ACER2: variants seen among roughly 807,000 people sequenced by gnomAD.
The protein encoded by ACER2 is alkaline ceramidase 2.
In ACER2, 26 loss-of-function variants were observed where a neutral mutation model predicts 34.7. The ratio of observed to expected loss-of-function variants is 0.75; its 90% confidence interval spans 0.55 to 1.04. ACER2 has a LOEUF of 1.04. Ranked by LOEUF, ACER2 falls within the 50% of genes least tolerant of loss-of-function variation. The pLI, the probability that ACER2 is intolerant of heterozygous loss-of-function variation, is 0.00. For synonymous variants in ACER2, 138 were observed against 132.1 expected (o/e 1.04, Z -0.31); for missense variants, 352 against 340.8 (o/e 1.03, Z -0.26).
intron 1 of ACER2, among the ~76,000 whole-genome samples, chr9:19,410,590 G>T (rs572287841): frequency 4.6e-5 from 7 of 152,220 alleles, no homozygotes; most frequent in Middle Eastern, 3.4e-3. Flanking sequence ...CACACTTGTC[G>T]TCCCAGCTAC....
chr9:19,427,152 A>C (rs1274362502), intron 3 of ACER2, among the ~76,000 whole-genome samples: 25 of 152,184 alleles, frequency 1.6e-4, no homozygotes, highest in Admixed American at 1.6e-3. Flanking sequence ...TAGGTAAACA[A>C]TAGTGTTCAT....
In ACER2 at chr9:19,446,418, G is replaced by A; in HGVS notation, c.641G>A (p.Trp214Ter). ...SFNFPYLHCM[W>*]HILICLAAYL... Reference sequence around the variant, plus strand: ...AACTTCCCCTACCTGCACTGCATGTGGTAAGCCCCTGCTAATGGGGAGGTG... The same window carrying A: ...AACTTCCCCTACCTGCACTGCATGTAGTAAGCCCCTGCTAATGGGGAGGTG... The change falls in exon 5 of 6, where the codon TGG (tryptophan) becomes TAG (stop). Residue 214 changes from tryptophan to a stop codon, truncating the protein, a stop_gained and splice_region_variant. Transcript: ENST00000340967. LOFTEE classifies it high-confidence loss of function. 1 of 1,614,140 alleles carries A rather than the reference G, an allele frequency of 6.2e-7. No individual in the cohort carries two copies. The highest frequency in any genetic ancestry group is 8.5e-7 in the Non-Finnish European group (1 of 1,180,032).
At chr9:19,423,032 CAAAAAA>C (rs764823366) in intron 1 of ACER2, among the ~76,000 whole-genome samples, 1,941 of 68,946 alleles carry the variant, frequency 0.028, 47 homozygotes, top group African/African-American at 0.088. Context: ...AACTCTGTCT[CAAAAAA>C]AAAAAAAAAA....
intron 1 of ACER2, among the ~76,000 whole-genome samples, chr9:19,416,211 C>T (rs759445778): frequency 6.6e-6 from 1 of 152,184 alleles, no homozygotes; most frequent in African/African-American, 2.4e-5. Context: ...CATTCATCTC[C>T]TTTTCTTCCT....
chr9:19,410,219 A>G (rs1830047620), intron 1 of ACER2, among the ~76,000 whole-genome samples: 1 of 152,216 alleles, frequency 6.6e-6, no homozygotes, highest in Non-Finnish European at 1.5e-5. Flanking sequence ...GGAATCTCAG[A>G]TGATCTAGTC....
At chr9:19,431,562 C>T (rs990727986) in intron 3 of ACER2, among the ~76,000 whole-genome samples, 2 of 152,204 alleles carry the variant, frequency 1.3e-5, no homozygotes, top group African/African-American at 4.8e-5. Flanking sequence ...TATTGTGGGT[C>T]CCCAAGGGCC....
intron 3 of ACER2, among the ~76,000 whole-genome samples, chr9:19,426,272 TTCTC>T (rs367754952): frequency 1.3e-5 from 2 of 149,986 alleles, no homozygotes; most frequent in African/African-American, 5.0e-5. Flanking sequence ...CTTTCTTTCT[TTCTC>T]TTTCTTTCTT....
At chr9:19,412,391 G>A (rs1313624035) in intron 1 of ACER2, among the ~76,000 whole-genome samples, 1 of 152,162 alleles carries the variant, frequency 6.6e-6, no homozygotes, top group Non-Finnish European at 1.5e-5. Flanking sequence ...AGTGGCTCAT[G>A]CCTGTAATCT....
At chr9:19,434,872 C>A in intron 3 of ACER2, 75 bp from the exon 4 acceptor site, 1 of 1,576,036 alleles carries the variant, frequency 6.3e-7, no homozygotes, top group Non-Finnish European at 8.7e-7. Context: ...AATGCCTGTA[C>A]CTTGCTAACA....
At chr9:19,439,528 A>G (rs1268644396) in intron 4 of ACER2, among the ~76,000 whole-genome samples, 1 of 152,080 alleles carries the variant, frequency 6.6e-6, no homozygotes, top group Non-Finnish European at 1.5e-5. Context: ...TAGTTTTAGT[A>G]GAGACCCAGC....
intron 1 of ACER2, among the ~76,000 whole-genome samples, chr9:19,412,206 G>T (rs1403926813): frequency 6.6e-6 from 1 of 152,144 alleles, no homozygotes; most frequent in Non-Finnish European, 1.5e-5. Flanking sequence ...TTTATTTAAA[G>T]TAGTTTGTAA....
At chr9:19,450,017 G>A (rs1373767328) in intron 5 of ACER2, among the ~76,000 whole-genome samples, 1 of 151,802 alleles carries the variant, frequency 6.6e-6, no homozygotes. Flanking sequence ...CCACTAAACT[G>A]CAAAAGTGGT....
chr9:19,413,973 A>G (rs547190635), intron 1 of ACER2, among the ~76,000 whole-genome samples: 1 of 152,204 alleles, frequency 6.6e-6, no homozygotes, highest in African/African-American at 2.4e-5. Flanking sequence ...GTAAATAGTC[A>G]TATGGGTGGT....
chr9:19,444,956 T>G (rs1295149233), intron 4 of ACER2, among the ~76,000 whole-genome samples: 1 of 152,242 alleles, frequency 6.6e-6, no homozygotes, highest in African/African-American at 2.4e-5. Context: ...TTATTGATGC[T>G]TTCGCTGATG....
At chr9:19,441,320 AT>A (rs902907291) in intron 4 of ACER2, among the ~76,000 whole-genome samples, 1 of 152,094 alleles carries the variant, frequency 6.6e-6, no homozygotes, top group Non-Finnish European at 1.5e-5. Context: ...AATTGCTGAG[AT>A]TACAGGCATG....
intron 4 of ACER2, among the ~76,000 whole-genome samples, chr9:19,441,881 G>C (rs924266413): frequency 1.2e-4 from 19 of 152,158 alleles, no homozygotes; most frequent in African/African-American, 4.6e-4. Flanking sequence ...AATCTTCCCT[G>C]GTTGTCACCT....
chr9:19,450,585 C>T lies in ACER2; in HGVS notation c.777C>T (p.Pro259=), dbSNP rs774957800. The change falls in exon 6 of 6, where the codon CCC becomes CCT. Residue 259 remains proline, a synonymous_variant. Coordinates refer to ENST00000340967, the MANE Select transcript of ACER2 (RefSeq NM_001010887.3). ...PNEKWAFIGV[P]YVSLLCANKK... ...AGAAATGGGCCTTCATTGGTGTCCC[C>T]TATGTGTCCCTCCTGTGTGCCAACA... 4 of 1,599,682 alleles carry T rather than the reference C, an allele frequency of 2.5e-6. No homozygotes were observed. In the African/African-American group the frequency reaches 4.0e-5, roughly 16 times the overall value.
At chr9:19,434,239 A>G (rs1326006267) in intron 3 of ACER2, among the ~76,000 whole-genome samples, 1 of 150,744 alleles carries the variant, frequency 6.6e-6, no homozygotes, top group Non-Finnish European at 1.5e-5. Context: ...GGCGCTCCTC[A>G]CTTCCCAGAT....
At chr9:19,446,254 T>C in intron 4 of ACER2, 27 bp from the exon 5 acceptor site, 1 of 1,614,062 alleles carries the variant, frequency 6.2e-7, no homozygotes, top group Non-Finnish European at 8.5e-7. Context: ...GGTCTGACGA[T>C]GAGTGACTCT....
Sources: gnomAD v4.1 joint callset for allele counts (sites outside exome capture counted in the v4.1 genomes callset) on GRCh38, gnomAD v4.1.1 for gene constraint, MANE v1.5 for transcripts, NCBI Gene and HGNC (gene_info 2026-07-23, HGNC 2026-07-21) for gene names.